Variants in DARS2 observed in about 807,000 individuals in gnomAD.
DARS2 encodes aspartyl-tRNA synthetase 2, mitochondrial.
A neutral mutation model predicts 83.0 loss-of-function variants in DARS2; 63 were observed. The observed-to-expected ratio is 0.76, with a 90% CI of 0.62 to 0.94. The LOEUF (loss-of-function observed/expected upper bound fraction) is 0.94. Among genes scored for constraint, DARS2 ranks in the 40% least tolerant of loss-of-function variants. The pLI is 0.00. For synonymous variants in DARS2, 250 were observed against 269.3 expected (o/e 0.93, Z 0.70); for missense variants, 675 against 774.4 (o/e 0.87, Z 1.52).
intron 2 of DARS2, among the ~76,000 whole-genome samples, chr1:173,827,574 T>A (rs879369890): frequency 1.3e-5 from 2 of 151,808 alleles, no homozygotes; most frequent in Admixed American, 1.3e-4. Flanking sequence ...GAGGTTGCAG[T>A]GAGCTGAGAT....
chr1:173,856,367 C>G (rs868224493), intron 15 of DARS2, among the ~76,000 whole-genome samples: 5 of 152,278 alleles, frequency 3.3e-5, no homozygotes, highest in Middle Eastern at 3.4e-3. Context: ...TTATCCCCAC[C>G]TCCTCATTTG....
intron 15 of DARS2, among the ~76,000 whole-genome samples, chr1:173,854,206 C>T (rs1368688684): frequency 6.6e-6 from 1 of 151,952 alleles, no homozygotes; most frequent in African/African-American, 2.4e-5. Context: ...CAAACTCCTG[C>T]CCTCAAGCAC....
At chr1:173,834,987 G>C (rs1465312370) in intron 7 of DARS2, among the ~76,000 whole-genome samples, 1 of 151,472 alleles carries the variant, frequency 6.6e-6, no homozygotes, top group African/African-American at 2.4e-5. Context: ...TCACCGTTTT[G>C]GCCAGGCTGG....
intron 9 of DARS2, 130 bp from the exon 10 acceptor site, chr1:173,839,237 G>A: frequency 1.3e-6 from 1 of 784,424 alleles, no homozygotes; most frequent in Non-Finnish European, 2.1e-6. Flanking sequence ...ACATAAAAGA[G>A]ATGTACAATA....
chr1:173,851,613 T>C (rs1382939418), intron 13 of DARS2, among the ~76,000 whole-genome samples: 2 of 152,160 alleles, frequency 1.3e-5, no homozygotes, highest in African/African-American at 4.8e-5. Context: ...CTTCAGGGGA[T>C]ATGGAAGACT....
intron 13 of DARS2, chr1:173,852,248 G>A (rs1653700033): frequency 1.0e-6 from 1 of 985,298 alleles, no homozygotes; most frequent in South Asian, 4.7e-5. Flanking sequence ...TCTCAGGGAA[G>A]TCCTGCATAC....
chr1:173,838,296 GCTTA>G (rs1490304870), intron 9 of DARS2, 37 bp downstream of exon 9: 14 of 1,523,260 alleles, frequency 9.2e-6, no homozygotes, highest in South Asian at 3.4e-5. Context: ...TAAAATTCAG[GCTTA>G]CTATTTTGAA....
intron 4 of DARS2, 72 bp from the exon 5 acceptor site, chr1:173,831,463 G>A: frequency 9.2e-7 from 1 of 1,092,176 alleles, no homozygotes; most frequent in South Asian, 1.2e-5. Context: ...TAAATGCATA[G>A]ATTCTACAAA....
At chr1:173,828,185 C>G in intron 2 of DARS2, 148 bp from the exon 3 acceptor site, 1 of 810,898 alleles carries the variant, frequency 1.2e-6, no homozygotes, top group South Asian at 1.8e-5. Context: ...ACATAATTAT[C>G]ATAAAAAACA....
intron 12 of DARS2, 41 bp downstream of exon 12, chr1:173,845,332 T>C: frequency 1.5e-6 from 2 of 1,364,934 alleles, no homozygotes; most frequent in South Asian, 1.2e-5. Flanking sequence ...TTATACAGAT[T>C]CAATATTTTT....
intron 12 of DARS2, among the ~76,000 whole-genome samples, chr1:173,848,606 TCTC>T (rs964092516): frequency 2.6e-5 from 4 of 152,232 alleles, no homozygotes; most frequent in Non-Finnish European, 4.4e-5. Context: ...TTTACTTTCT[TCTC>T]CCATCTGTTG....
At chr1:173,846,080 C>T (rs1388584433) in intron 12 of DARS2, among the ~76,000 whole-genome samples, 5 of 151,884 alleles carry the variant, frequency 3.3e-5, no homozygotes, top group East Asian at 3.9e-4. Flanking sequence ...ATGGCGTGAA[C>T]GCAGGAGGCG....
chr1:173,848,888 A>T (rs1653541531), intron 12 of DARS2, among the ~76,000 whole-genome samples: 1 of 151,990 alleles, frequency 6.6e-6, no homozygotes, highest in South Asian at 2.1e-4. Flanking sequence ...TCTCTTTGGA[A>T]TTTCTACTAG....
At chr1:173,854,166 A>C (rs1219393795) in intron 15 of DARS2, among the ~76,000 whole-genome samples, 1 of 151,952 alleles carries the variant, frequency 6.6e-6, no homozygotes, top group South Asian at 2.1e-4. Flanking sequence ...TTGAAGAGAT[A>C]AGATTTCCCT....
rs1571991642 is a variant in DARS2 at position 173,845,356 on chromosome 1, T to C, written c.1191+65T>C. The C allele has an allele frequency of 9.0e-6, 9 of 995,370 alleles. No homozygotes were observed. In the East Asian group the frequency reaches 2.2e-4, roughly 24 times the overall value. 61.7% of individuals were successfully genotyped at this position (995,370 alleles called of 1,614,324 possible). ...TTCAATATTTTTAACTATTATTAAC[T>C]AAACTATCATTATCATTAGTTTTGA... On this transcript the variant is annotated intron_variant, in intron 12 of 16. Coordinates refer to ENST00000649689, the MANE Select transcript of DARS2 (RefSeq NM_018122.5).
In DARS2 at chr1:173,838,019, C is replaced by T. The variant is rs3791021; in HGVS notation, c.771-171C>T. 0.19 allele frequency among the ~76,000 whole-genome samples: 28,566 copies of T among 152,108 alleles called. 4,138 individuals are homozygous for T. The highest frequency in any genetic ancestry group is 0.4 in the African/African-American group (16,410 of 41,466). On this transcript the variant is annotated intron_variant, in intron 8 of 16. Transcript: ENST00000649689. The stretch of plus-strand genomic sequence containing the variant: ...TGAACGCCTGACCTCATGATCTGCC[C>T]GCCTTGGCCTCCCAAAGTGCTGGGA...
At chr1:173,850,027 T>C (rs1043698907) in intron 12 of DARS2, among the ~76,000 whole-genome samples, 5 of 151,934 alleles carry the variant, frequency 3.3e-5, no homozygotes, top group Non-Finnish European at 7.4e-5. Context: ...CAGCTACTTT[T>C]TGTATTTTTA....
At chr1:173,826,172 C>G (rs997914042) in intron 1 of DARS2, among the ~76,000 whole-genome samples, 11 of 150,746 alleles carry the variant, frequency 7.3e-5, no homozygotes, top group Non-Finnish European at 1.0e-4. Flanking sequence ...TGCAGTGAGC[C>G]GAGATCGCGC....
chr1:173,840,744 A>G (rs1653172041), intron 10 of DARS2, 122 bp from the exon 11 acceptor site: 1 of 683,284 alleles, frequency 1.5e-6, no homozygotes, highest in Non-Finnish European at 2.6e-6. Flanking sequence ...CACTCTTTGA[A>G]TGTATTCTAT....
Sources: allele counts gnomAD v4.1 joint callset (sites outside exome capture counted in the v4.1 genomes callset), GRCh38; gene constraint gnomAD v4.1.1; transcripts MANE v1.5; gene names NCBI Gene and HGNC (gene_info 2026-07-23, HGNC 2026-07-21).